The following SLC4A10 variants were observed in gnomAD, a reference collection of about 807,000 sequenced individuals.
SLC4A10 encodes the protein solute carrier family 4 member 10.
Under a neutral mutation model 137.7 loss-of-function variants are expected in SLC4A10, and 42 were observed. That is an observed-to-expected ratio of 0.30 (90% CI 0.24 to 0.39). The LOEUF is 0.39. SLC4A10 is among the 10% of genes least tolerant of loss of function. The pLI is 1.00. For synonymous variants in SLC4A10, 474 were observed against 464.1 expected (o/e 1.02, Z -0.27); for missense variants, 925 against 1,355.0 (o/e 0.68, Z 4.98).
intron 15 of SLC4A10, among the ~76,000 whole-genome samples, chr2:161,917,675 C>A (rs1355180728): frequency 2.0e-5 from 3 of 151,716 alleles, no homozygotes; most frequent in Non-Finnish European, 2.9e-5. Context: ...AATCATATTC[C>A]AATTATTCTG....
intron 15 of SLC4A10, among the ~76,000 whole-genome samples, chr2:161,906,850 C>T (rs1042398390): frequency 4.0e-5 from 6 of 151,838 alleles, no homozygotes; most frequent in Non-Finnish European, 7.4e-5. Context: ...GTCAGGAGAT[C>T]GAGACCATCC....
At chr2:161,853,773 C>T (rs2059955735) in intron 4 of SLC4A10, among the ~76,000 whole-genome samples, 1 of 152,112 alleles carries the variant, frequency 6.6e-6, no homozygotes, top group Admixed American at 6.6e-5. Context: ...TAAATTTTGG[C>T]AGGTATAAGT....
intron 1 of SLC4A10, among the ~76,000 whole-genome samples, chr2:161,633,672 G>GA (rs1356070126): frequency 6.6e-6 from 1 of 151,636 alleles, no homozygotes; most frequent in Non-Finnish European, 1.5e-5. Flanking sequence ...CCTTTTGAAT[G>GA]AAAATCATTA....
chr2:161,719,255 A>G (rs559736656), intron 1 of SLC4A10, among the ~76,000 whole-genome samples: 1 of 152,232 alleles, frequency 6.6e-6, no homozygotes, highest in South Asian at 2.1e-4. Flanking sequence ...ATGGCTGCAT[A>G]GTATTCCATG....
At chr2:161,971,747 A>C (rs1487843844) in intron 23 of SLC4A10, among the ~76,000 whole-genome samples, 1 of 152,162 alleles carries the variant, frequency 6.6e-6, no homozygotes, top group Non-Finnish European at 1.5e-5. Context: ...GGGCCCACCC[A>C]GCTTCCTTCT....
intron 15 of SLC4A10, among the ~76,000 whole-genome samples, chr2:161,930,946 T>TTTGTTTTGTC (rs1690261284): frequency 6.6e-6 from 1 of 150,584 alleles, no homozygotes. Flanking sequence ...TTTATTTTGT[T>TTTGTTTTGTC]TTTTAAGACG....
At chr2:161,977,667 G>C (rs187580359) in intron 25 of SLC4A10, 55 bp from the exon 26 acceptor site, 1 of 1,490,430 alleles carries the variant, frequency 6.7e-7, no homozygotes, top group Non-Finnish European at 9.1e-7. Context: ...CTTTATTTTC[G>C]TAACCTTAAA....
intron 2 of SLC4A10, among the ~76,000 whole-genome samples, chr2:161,796,175 C>T (rs1575009135): frequency 6.6e-6 from 1 of 151,996 alleles, no homozygotes; most frequent in East Asian, 1.9e-4. Flanking sequence ...TAAATTTTTT[C>T]TTCCAAATAA....
rs375122859 is a variant in SLC4A10, at chr2:161,949,237, A to G, written c.2355A>G (p.Lys785=). 6.2e-7 allele frequency: 1 copy of G among 1,610,532 alleles called. No individual in the cohort carries two copies. The highest frequency in any genetic ancestry group is 8.5e-7 in the Non-Finnish European group (1 of 1,177,600). The change falls in exon 18 of 27, where the codon AAA becomes AAG. Residue 785 remains lysine (K), a synonymous_variant. Transcript: ENST00000446997. The stretch of plus-strand genomic sequence containing the variant: ...ATGCCATTGGGATCCCATCTCCAAA[A>G]CTACAAGTACCAAGTGTTTTCAAGG... The part of the protein sequence containing the change: ...IDYAIGIPSP[K]LQVPSVFKPT...
In SLC4A10 at chr2:161,714,979, A is replaced by C. The variant is rs113801749; in HGVS notation, c.49-55994A>C. 6.4e-3 allele frequency among the ~76,000 whole-genome samples: 975 copies of C among 152,126 alleles called. 8 individuals carry two copies. The highest frequency in any genetic ancestry group is 0.022 in the African/African-American group (927 of 41,540). On this transcript the variant is annotated intron_variant, in intron 1 of 26. Transcript: ENST00000446997. The stretch of plus-strand genomic sequence containing the variant: ...TGTATGTGTATATTTGTGTGTATAC[A>C]CACAAATATGCATATATGTACACAC...
intron 15 of SLC4A10, among the ~76,000 whole-genome samples, 160 bp downstream of exon 15, chr2:161,906,047 T>G (rs909754342): frequency 2.6e-5 from 4 of 152,240 alleles, no homozygotes; most frequent in Non-Finnish European, 5.9e-5. Context: ...TAAAAGTTAT[T>G]TAATCGGCCA....
intron 1 of SLC4A10, among the ~76,000 whole-genome samples, chr2:161,697,865 G>A (rs746677427): frequency 7.9e-5 from 12 of 152,330 alleles, no homozygotes; most frequent in Middle Eastern, 3.4e-3. Context: ...TAGCTTGATG[G>A]GGATGGCATT....
At chr2:161,686,272 T>G (rs1223392199) in intron 1 of SLC4A10, among the ~76,000 whole-genome samples, 1 of 152,228 alleles carries the variant, frequency 6.6e-6, no homozygotes, top group Non-Finnish European at 1.5e-5. Flanking sequence ...ATTGTTATGT[T>G]CTTATGGGTA....
At chr2:161,795,606 T>C (rs1037052303) in intron 2 of SLC4A10, among the ~76,000 whole-genome samples, 3 of 152,096 alleles carry the variant, frequency 2.0e-5, no homozygotes, top group Non-Finnish European at 4.4e-5. Context: ...ATTCAACCTC[T>C]TGGAAGATTT....
At chr2:161,979,065 T>A (rs1699836014) in intron 26 of SLC4A10, among the ~76,000 whole-genome samples, 1 of 152,244 alleles carries the variant, frequency 6.6e-6, no homozygotes. Context: ...TCTGATTTTT[T>A]AGAAAATGTT....
At chr2:161,803,814 C>G (rs559601232) in intron 2 of SLC4A10, among the ~76,000 whole-genome samples, 26 of 152,094 alleles carry the variant, frequency 1.7e-4, no homozygotes, top group Non-Finnish European at 3.7e-4. Context: ...TTTTCCTTTA[C>G]ATACATACCT....
At chr2:161,887,365 G>C (rs1395456667) in intron 10 of SLC4A10, among the ~76,000 whole-genome samples, 2 of 151,644 alleles carry the variant, frequency 1.3e-5, no homozygotes, top group South Asian at 4.2e-4. Flanking sequence ...GGTATTTCTG[G>C]TTCTAGATCC....
At chr2:161,820,266 A>T (rs1365573674) in intron 3 of SLC4A10, among the ~76,000 whole-genome samples, 1 of 152,220 alleles carries the variant, frequency 6.6e-6, no homozygotes, top group East Asian at 1.9e-4. Context: ...TCCTATTTTA[A>T]TGACCAATTA....
intron 16 of SLC4A10, among the ~76,000 whole-genome samples, chr2:161,944,262 T>A (rs561954165): frequency 6.6e-6 from 1 of 151,886 alleles, no homozygotes; most frequent in Non-Finnish European, 1.5e-5. Context: ...GTGGGTCTTC[T>A]GTCTACACTT....
Sources: gnomAD v4.1 joint callset for allele counts (sites outside exome capture counted in the v4.1 genomes callset) on GRCh38, gnomAD v4.1.1 for gene constraint, MANE v1.5 for transcripts, NCBI Gene and HGNC (gene_info 2026-07-23, HGNC 2026-07-21) for gene names.